Variants in SLC37A3 observed in about 807,000 individuals in gnomAD.
SLC37A3 encodes solute carrier family 37 member 3, also known as sugar phosphate exchanger 3.
Under a neutral mutation model 67.1 loss-of-function variants are expected in SLC37A3, and 51 were observed. The ratio of observed to expected loss-of-function variants is 0.76; its 90% CI spans 0.61 to 0.96. SLC37A3 has a LOEUF of 0.96. Ranked by LOEUF, SLC37A3 falls within the 40% of genes least tolerant of loss-of-function variation. The pLI is 0.00. For missense variants in SLC37A3, 508 were observed against 603.0 expected, an observed-to-expected ratio of 0.84 and a Z score of 1.65; for synonymous variants, 214 against 231.4, an observed-to-expected ratio of 0.92 and a Z score of 0.68.
chr7:140,354,866 C>G (rs1327003471), intron 7 of SLC37A3, among the ~76,000 whole-genome samples: 1 of 151,692 alleles, frequency 6.6e-6, no homozygotes, highest in African/African-American at 2.4e-5. Context: ...ACCTCAGCCT[C>G]CTGAATAGCA....
chr7:140,374,227 GGCTCAC>G (rs1797933309), intron 3 of SLC37A3, among the ~76,000 whole-genome samples: 1 of 152,156 alleles, frequency 6.6e-6, no homozygotes, highest in African/African-American at 2.4e-5. Flanking sequence ...CAGGTACGGT[GGCTCAC>G]GCCTACAATC....
intron 1 of SLC37A3, among the ~76,000 whole-genome samples, chr7:140,389,399 G>A (rs903947447): frequency 3.3e-5 from 5 of 152,180 alleles, no homozygotes; most frequent in African/African-American, 9.6e-5. Flanking sequence ...GGGAACAGAA[G>A]ACAGAGAGAA....
At chr7:140,393,086 C>T (rs1340262744) in intron 1 of SLC37A3, among the ~76,000 whole-genome samples, 2 of 151,620 alleles carry the variant, frequency 1.3e-5, no homozygotes, top group African/African-American at 4.8e-5. Flanking sequence ...AGCAAGACTC[C>T]GTCCCAAAAA....
At chr7:140,387,704 T>A (rs1342446354) in intron 1 of SLC37A3, among the ~76,000 whole-genome samples, 1 of 108,692 alleles carries the variant, frequency 9.2e-6, no homozygotes, top group African/African-American at 3.8e-5. Flanking sequence ...ATTATATAAA[T>A]ATAAATATAC....
chr7:140,396,738 A>G (rs1798940307), intron 1 of SLC37A3, among the ~76,000 whole-genome samples: 1 of 152,214 alleles, frequency 6.6e-6, no homozygotes, highest in South Asian at 2.1e-4. Context: ...CTTAACTTTT[A>G]TAAAAGTATT....
chr7:140,344,219 G>A (rs1796466677), intron 12 of SLC37A3: 1 of 152,508 alleles, frequency 6.6e-6, no homozygotes, highest in Non-Finnish European at 1.5e-5. Flanking sequence ...CCTGAAGTCA[G>A]GAGTTCGAGA....
chr7:140,352,426 T>G (rs909274964), intron 7 of SLC37A3, among the ~76,000 whole-genome samples: 1 of 152,186 alleles, frequency 6.6e-6, no homozygotes, highest in African/African-American at 2.4e-5. Context: ...GAAATTAGAC[T>G]AGCTCCAAAA....
intron 8 of SLC37A3, chr7:140,351,796 G>A (rs1685478148): frequency 1.7e-6 from 1 of 584,650 alleles, no homozygotes; most frequent in Admixed American, 3.0e-5. Flanking sequence ...TTCCTTGCCA[G>A]TGTCTCAATT....
At chr7:140,374,378 G>A (rs1396898721) in intron 3 of SLC37A3, among the ~76,000 whole-genome samples, 1 of 151,850 alleles carries the variant, frequency 6.6e-6, no homozygotes, top group East Asian at 1.9e-4. Flanking sequence ...TGTGCCTGTA[G>A]TGCCACTACT....
chr7:140,357,594 A>G (rs1206388045), intron 6 of SLC37A3, among the ~76,000 whole-genome samples: 1 of 151,700 alleles, frequency 6.6e-6, no homozygotes, highest in Non-Finnish European at 1.5e-5. Flanking sequence ...GACTCAAAAA[A>G]AGAGTACATA....
At chr7:140,383,352 C>T (rs1333103466) in intron 1 of SLC37A3, among the ~76,000 whole-genome samples, 3 of 151,966 alleles carry the variant, frequency 2.0e-5, no homozygotes, top group African/African-American at 7.3e-5. Context: ...ACCTGTAGTA[C>T]CCCAGCTACT....
rs190095873 is a variant in SLC37A3 at position 140,343,692 on chromosome 7, C to G, written c.1175-129G>C. 30 of 892,208 alleles carry G rather than the reference C, an allele frequency of 3.4e-5. No homozygotes were observed. In the African/African-American group the frequency reaches 4.9e-4, roughly 15 times the overall value. 55.3% of individuals were successfully genotyped at this position (892,208 alleles called of 1,614,324 possible). A position where few individuals can be genotyped will look rare whatever the true frequency, so the allele number is the denominator to read the frequency against. On this transcript the variant is annotated intron_variant, in intron 12 of 14. Transcript: ENST00000326232. Reference sequence around the variant, plus strand: ...AGAAGTGGAAAAAAAAGGAAACCCCCAGATAGTATCATTTTCAAACTATTA... The same window carrying G: ...AGAAGTGGAAAAAAAAGGAAACCCCGAGATAGTATCATTTTCAAACTATTA...
intron 4 of SLC37A3, 80 bp from the exon 5 acceptor site, chr7:140,364,571 G>T: frequency 8.1e-7 from 1 of 1,241,606 alleles, no homozygotes; most frequent in Non-Finnish European, 1.2e-6. Context: ...AAGCAAATGA[G>T]ACAAACACAG....
At chr7:140,388,150 T>A (rs1798580366) in intron 1 of SLC37A3, among the ~76,000 whole-genome samples, 1 of 151,810 alleles carries the variant, frequency 6.6e-6, no homozygotes, top group Non-Finnish European at 1.5e-5. Flanking sequence ...AATAAGATTC[T>A]GGACAGACAT....
At position 140,364,552 on chromosome 7, in the gene SLC37A3, T is replaced by C. The variant is rs551231961; in HGVS notation, c.292-61A>G. Reference sequence around the variant, plus strand: ...AATAACACAGTATGAAAAAGTAACATGCACTGCAAAGCAAATGAGACAAAC... The same window carrying C: ...AATAACACAGTATGAAAAAGTAACACGCACTGCAAAGCAAATGAGACAAAC... On this transcript the variant is annotated intron_variant, in intron 4 of 14. Coordinates refer to ENST00000326232, the MANE Select transcript of SLC37A3 (RefSeq NM_207113.3). 1.1e-5 allele frequency: 16 copies of C among 1,469,660 alleles called. No individual in the cohort carries two copies. The East Asian group carries it at 3.0e-4, about 28-fold the overall frequency. 91.0% of individuals were successfully genotyped at this position (1,469,660 alleles called of 1,614,324 possible). A position where few individuals can be genotyped will look rare whatever the true frequency, so the allele number is the denominator to read the frequency against.
chr7:140,342,935 C>T (rs192020332), intron 13 of SLC37A3, among the ~76,000 whole-genome samples: 6 of 152,272 alleles, frequency 3.9e-5, no homozygotes, highest in East Asian at 3.9e-4. Flanking sequence ...GGAAGCAGAG[C>T]GAGTGATTCA....
chr7:140,383,629 G>C (rs1430902530), intron 1 of SLC37A3, among the ~76,000 whole-genome samples: 1 of 152,026 alleles, frequency 6.6e-6, no homozygotes. Context: ...AAGAAACAGA[G>C]AAAGAGGTCA....
chr7:140,378,954 G>A (rs892424781), intron 3 of SLC37A3, among the ~76,000 whole-genome samples: 1 of 152,054 alleles, frequency 6.6e-6, no homozygotes, highest in Admixed American at 6.6e-5. Context: ...GGCTGAGGCA[G>A]GAGAATCGCT....
chr7:140,355,892 T>G, intron 6 of SLC37A3, 128 bp from the exon 7 acceptor site: 2 of 754,760 alleles, frequency 2.6e-6, no homozygotes, highest in South Asian at 3.4e-5. Context: ...TTTAAAAAGT[T>G]TTTAAAAATA....
Sources: allele counts gnomAD v4.1 joint callset (sites outside exome capture counted in the v4.1 genomes callset), GRCh38; gene constraint gnomAD v4.1.1; transcripts MANE v1.5; gene names NCBI Gene and HGNC (gene_info 2026-07-23, HGNC 2026-07-21).